PCDHA13: variants seen among roughly 807,000 people sequenced by gnomAD.
The protein encoded by PCDHA13 is protocadherin alpha-13.
In PCDHA13, 54 loss-of-function variants were observed where a neutral mutation model predicts 64.8. That is an observed-to-expected ratio of 0.83 (90% CI 0.67 to 1.04). PCDHA13 has a LOEUF of 1.04. Among genes scored for constraint, PCDHA13 ranks in the 50% least tolerant of loss-of-function variants. The pLI is 0.00. For missense variants in PCDHA13, 1,248 were observed against 1,254.3 expected, an observed-to-expected ratio of 0.99 and a Z score of 0.08; for synonymous variants, 587 against 564.4, an observed-to-expected ratio of 1.04 and a Z score of -0.57.
intron 1 of PCDHA13, among the ~76,000 whole-genome samples, chr5:140,946,879 G>A (rs246051): frequency 0.56 from 84,931 of 150,730 alleles, 24,535 homozygotes; most frequent in African/African-American, 0.69. Flanking sequence ...CAATGGGTAC[G>A]AAGTTACAAT....
chr5:140,927,245 A>G (rs1197319664), intron 1 of PCDHA13: 6 of 1,613,948 alleles, frequency 3.7e-6, no homozygotes, highest in South Asian at 2.2e-5. Flanking sequence ...CTGGACACCA[A>G]TGACAACTCA....
At chr5:140,975,174 T>C (rs1470598627) in intron 1 of PCDHA13, among the ~76,000 whole-genome samples, 1 of 152,208 alleles carries the variant, frequency 6.6e-6, no homozygotes, top group Non-Finnish European at 1.5e-5. Context: ...GACTCAGGAC[T>C]CTTGTCCCAT....
Position 141,010,271 on chromosome 5 carries a change from C to T in PCDHA13, c.*334C>T, listed in dbSNP as rs1031489236. The T allele has an allele frequency of 5.5e-5, 85 of 1,551,586 alleles. No individual in the cohort carries two copies. The highest frequency in any genetic ancestry group is 7.2e-5 in the Non-Finnish European group (83 of 1,146,992). On this transcript the variant is annotated 3_prime_UTR_variant, in exon 4 of 4. Coordinates refer to ENST00000289272, the MANE Select transcript of PCDHA13 (RefSeq NM_018904.3). ...CTCTCTGCCCTGTGCTCCGGGGATCCTGTCTTGATGACACTTGCAGGGCAG... is the reference window on the plus strand; with the variant it reads ...CTCTCTGCCCTGTGCTCCGGGGATCTTGTCTTGATGACACTTGCAGGGCAG...
At chr5:141,003,368 G>C (rs2098121009) in intron 3 of PCDHA13, among the ~76,000 whole-genome samples, 1 of 152,190 alleles carries the variant, frequency 6.6e-6, no homozygotes, top group Non-Finnish European at 1.5e-5. Flanking sequence ...CTGGAGTGCA[G>C]TGGTGCAATC....
chr5:140,962,516 A>C (rs1554226093), intron 1 of PCDHA13, among the ~76,000 whole-genome samples: 1 of 152,208 alleles, frequency 6.6e-6, no homozygotes, highest in Non-Finnish European at 1.5e-5. Flanking sequence ...ACTATCAATA[A>C]TATATTAGTT....
chr5:140,980,714 G>A (rs958793243), intron 2 of PCDHA13, among the ~76,000 whole-genome samples: 7 of 151,264 alleles, frequency 4.6e-5, no homozygotes, highest in African/African-American at 9.7e-5. Context: ...GCTCCTATTC[G>A]GGTTTCAATT....
chr5:141,006,376 TAA>T (rs2098270900), intron 3 of PCDHA13, among the ~76,000 whole-genome samples: 1 of 151,996 alleles, frequency 6.6e-6, no homozygotes, highest in South Asian at 2.1e-4. Flanking sequence ...CACGCCCGGC[TAA>T]GTTTTTTCTA....
intron 1 of PCDHA13, among the ~76,000 whole-genome samples, chr5:140,933,543 A>C (rs888580290): frequency 6.6e-6 from 1 of 152,092 alleles, no homozygotes; most frequent in Non-Finnish European, 1.5e-5. Flanking sequence ...AATAATGTTA[A>C]TATAAAATAA....
chr5:140,968,326 C>G (rs1554230623), intron 1 of PCDHA13: 1 of 1,614,058 alleles, frequency 6.2e-7, no homozygotes, highest in Non-Finnish European at 8.5e-7. Context: ...CAGTCACCTC[C>G]TATGTCTCCA....
In PCDHA13 at chr5:140,959,634, A is replaced by G. The variant is rs78629455; in HGVS notation, c.2395-19315A>G. ...TGCTTGTGATAGAAAAAAAGAGAGA[A>G]AAAACACAGAAGCAAAATTGAAGAA... On this transcript the variant is annotated intron_variant, in intron 1 of 3. Transcript: ENST00000289272. Among the ~76,000 whole-genome samples, 1,434 of 152,320 alleles carry G rather than the reference A, an allele frequency of 9.4e-3. 14 individuals carry two copies. The highest frequency in any genetic ancestry group is 0.021 in the Admixed American group (316 of 15,292).
chr5:140,936,714 C>G (rs2091106727), intron 1 of PCDHA13, among the ~76,000 whole-genome samples: 1 of 152,198 alleles, frequency 6.6e-6, no homozygotes, highest in African/African-American at 2.4e-5. Context: ...TGTGCCAATA[C>G]ATTCTGTGTT....
intron 1 of PCDHA13, among the ~76,000 whole-genome samples, chr5:140,955,431 AG>A (rs1273972601): frequency 1.3e-5 from 2 of 152,194 alleles, no homozygotes; most frequent in East Asian, 3.9e-4. Flanking sequence ...AGTTCTCATT[AG>A]GTCTGATGGT....
Position 140,982,555 on chromosome 5 carries a change from C to T in PCDHA13, c.2534C>T (p.Ala845Val). The change falls in exon 3 of 4, where the codon GCA becomes GTA. Residue 845 changes from alanine (A) to valine (V), a missense_variant. Transcript: ENST00000289272. Reference sequence around the variant, plus strand: ...CAGCAGTGGCCAACAGTATCCAGTGCAACACCAGGTAAAGAGCTGGGGTCT... The same window carrying T: ...CAGCAGTGGCCAACAGTATCCAGTGTAACACCAGGTAAAGAGCTGGGGTCT... Reference protein sequence around the residue: ...PDQQWPTVSSATPEPEAGEVS... With the variant: ...PDQQWPTVSSVTPEPEAGEVS... The T allele has an allele frequency of 6.2e-7, 1 of 1,614,108 alleles. No homozygotes were observed. The highest frequency in any genetic ancestry group is 8.5e-7 in the Non-Finnish European group (1 of 1,179,990).
At chr5:140,963,523 A>T (rs2095769740) in intron 1 of PCDHA13, among the ~76,000 whole-genome samples, 1 of 152,218 alleles carries the variant, frequency 6.6e-6, no homozygotes. Flanking sequence ...CTCATAACAG[A>T]AGTCCCATTT....
chr5:140,902,211 T>C (rs1256912603), intron 1 of PCDHA13, among the ~76,000 whole-genome samples: 4 of 150,332 alleles, frequency 2.7e-5, no homozygotes, highest in African/African-American at 9.8e-5. Context: ...TTCTTTTTTT[T>C]TTTTTTTTTT....
chr5:140,931,414 T>C (rs2087515742), intron 1 of PCDHA13, among the ~76,000 whole-genome samples: 1 of 151,886 alleles, frequency 6.6e-6, no homozygotes, highest in Non-Finnish European at 1.5e-5. Context: ...GGCTGATGAA[T>C]CTAGAAGTTA....
intron 1 of PCDHA13, chr5:140,926,823 G>C (rs1454618329): frequency 6.7e-7 from 1 of 1,496,998 alleles, no homozygotes; most frequent in Non-Finnish European, 8.9e-7. Context: ...TGCTCTCCAG[G>C]AGTCCGGAGC....
intron 1 of PCDHA13, among the ~76,000 whole-genome samples, chr5:140,899,340 C>T (rs1199833845): frequency 6.6e-6 from 1 of 152,062 alleles, no homozygotes; most frequent in Non-Finnish European, 1.5e-5. Flanking sequence ...TCATAGATAG[C>T]TCTTATTATT....
At chr5:140,907,144 G>A (rs1006725502) in intron 1 of PCDHA13, among the ~76,000 whole-genome samples, 17 of 152,104 alleles carry the variant, frequency 1.1e-4, no homozygotes, top group Non-Finnish European at 2.4e-4. Flanking sequence ...CCGGCTATGG[G>A]AGAAACAGTA....
Sources: allele counts gnomAD v4.1 joint callset (sites outside exome capture counted in the v4.1 genomes callset), GRCh38; gene constraint gnomAD v4.1.1; transcripts MANE v1.5; gene names NCBI Gene and HGNC (gene_info 2026-07-23, HGNC 2026-07-21).